CDH18: variants seen among roughly 807,000 people sequenced by gnomAD.
The protein encoded by CDH18 is cadherin 18.
In CDH18, 31 loss-of-function variants were observed where a neutral mutation model predicts 67.9. The ratio of observed to expected loss-of-function variants is 0.46; its 90% CI spans 0.34 to 0.62. The LOEUF is 0.62. Among genes scored for constraint, CDH18 ranks in the 20% least tolerant of loss-of-function variants. The pLI, the probability that CDH18 is intolerant of heterozygous loss-of-function variation, is 0.01. For synonymous variants in CDH18, 362 were observed against 347.2 expected, an observed-to-expected ratio of 1.04 and a Z score of -0.48; for missense variants, 890 against 975.5, an observed-to-expected ratio of 0.91 and a Z score of 1.17.
chr5:19,645,015 T>C (rs1754532148), intron 5 of CDH18, among the ~76,000 whole-genome samples: 1 of 152,214 alleles, frequency 6.6e-6, no homozygotes, highest in Admixed American at 6.5e-5. Flanking sequence ...TTCACCTTTC[T>C]GCTCTGCAAA....
At chr5:20,222,169 A>G (rs183777008) in intron 2 of CDH18, among the ~76,000 whole-genome samples, 114 of 152,306 alleles carry the variant, frequency 7.5e-4, no homozygotes, top group African/African-American at 2.6e-3. Context: ...CCTACTTTCT[A>G]GACCACATAG....
chr5:19,986,073 A>G (rs1039645784), intron 1 of CDH18, among the ~76,000 whole-genome samples: 2 of 152,326 alleles, frequency 1.3e-5, no homozygotes, highest in African/African-American at 4.8e-5. Flanking sequence ...TAATAATGCT[A>G]TTTATATCAG....
At chr5:20,262,279 A>T (rs925809184) in intron 1 of CDH18, among the ~76,000 whole-genome samples, 7 of 152,218 alleles carry the variant, frequency 4.6e-5, no homozygotes, top group African/African-American at 1.7e-4. Flanking sequence ...TTATGTTTGT[A>T]AGTGACAATA....
chr5:19,975,447 T>C (rs186219897), intron 2 of CDH18, among the ~76,000 whole-genome samples: 209 of 152,230 alleles, frequency 1.4e-3, no homozygotes, highest in African/African-American at 4.7e-3. Context: ...TGTAGGAGGA[T>C]TGTGTACTAC....
chr5:20,377,721 T>C (rs1743577730), intron 1 of CDH18, among the ~76,000 whole-genome samples: 1 of 152,204 alleles, frequency 6.6e-6, no homozygotes, highest in African/African-American at 2.4e-5. Context: ...ATAATGTATA[T>C]AATATCACAT....
At chr5:19,569,399 C>A (rs149320661) in intron 8 of CDH18, among the ~76,000 whole-genome samples, 316 of 152,298 alleles carry the variant, frequency 2.1e-3, no homozygotes, top group African/African-American at 7.3e-3. Flanking sequence ...CTCCCTCAGA[C>A]CATTATTACA....
chr5:19,672,873 T>C (rs1758940799), intron 5 of CDH18, among the ~76,000 whole-genome samples: 1 of 152,014 alleles, frequency 6.6e-6, no homozygotes, highest in African/African-American at 2.4e-5. Context: ...GTCAGAAATA[T>C]TTTAAGTGTC....
intron 5 of CDH18, among the ~76,000 whole-genome samples, chr5:19,624,899 A>G (rs1751281940): frequency 6.6e-6 from 1 of 152,178 alleles, no homozygotes; most frequent in African/African-American, 2.4e-5. Flanking sequence ...GTGGCCTTGG[A>G]TTCCTTTATC....
chr5:20,014,776 C>G (rs1580037394), intron 2 of CDH18, among the ~76,000 whole-genome samples: 1 of 152,042 alleles, frequency 6.6e-6, no homozygotes, highest in Non-Finnish European at 1.5e-5. Context: ...AGAAACAGCT[C>G]CAGTGAATGA....
chr5:19,642,655 A>G (rs1455202673), intron 5 of CDH18, among the ~76,000 whole-genome samples: 1 of 152,020 alleles, frequency 6.6e-6, no homozygotes, highest in Non-Finnish European at 1.5e-5. Flanking sequence ...TATTCTCACT[A>G]TTTACAAACG....
chr5:19,766,372 T>C (rs1773096495), intron 3 of CDH18, among the ~76,000 whole-genome samples: 1 of 152,192 alleles, frequency 6.6e-6, no homozygotes, highest in African/African-American at 2.4e-5. Context: ...TCAAAGTGTT[T>C]GTGATTCTTT....
intron 2 of CDH18, among the ~76,000 whole-genome samples, chr5:19,926,198 A>T (rs1011161728): frequency 6.6e-6 from 1 of 152,186 alleles, no homozygotes; most frequent in Non-Finnish European, 1.5e-5. Context: ...TAAAGGGTCA[A>T]CTGTGTATTC....
chr5:20,339,708 G>A (rs6859050), intron 1 of CDH18, among the ~76,000 whole-genome samples: 4 of 152,040 alleles, frequency 2.6e-5, no homozygotes, highest in Non-Finnish European at 5.9e-5. Flanking sequence ...TCCCATTAAG[G>A]TACAGGTCCT....
intron 2 of CDH18, among the ~76,000 whole-genome samples, chr5:19,879,965 A>T (rs1167889999): frequency 6.6e-6 from 1 of 152,082 alleles, no homozygotes; most frequent in Non-Finnish European, 1.5e-5. Context: ...CAGGCAAATT[A>T]TAGAAAACTA....
intron 5 of CDH18, among the ~76,000 whole-genome samples, chr5:19,643,835 AACAC>A (rs1269073216): frequency 6.6e-6 from 1 of 152,210 alleles, no homozygotes; most frequent in African/African-American, 2.4e-5. Flanking sequence ...CAGTGTTATC[AACAC>A]ACACAAACAC....
intron 1 of CDH18, among the ~76,000 whole-genome samples, chr5:20,467,338 T>TAAG (rs35862677): frequency 0.5 from 75,971 of 151,666 alleles, 19,335 homozygotes; most frequent in Non-Finnish European, 0.52. Flanking sequence ...TACTCAAGTT[T>TAAG]AAGATTTCTC....
At chr5:19,729,619 C>T (rs1247774893) in intron 4 of CDH18, among the ~76,000 whole-genome samples, 1 of 152,144 alleles carries the variant, frequency 6.6e-6, no homozygotes, top group African/African-American at 2.4e-5. Context: ...GGCGGTAAGT[C>T]CATTTTGTCA....
At chr5:19,511,340 G>A in intron 10 of CDH18, among the ~76,000 whole-genome samples, 1 of 151,990 alleles carries the variant, frequency 6.6e-6, no homozygotes, top group East Asian at 1.9e-4. Flanking sequence ...ACAGTAAATT[G>A]GTACCACGGA....
chr5:19,877,904 C>A (rs1787205303), intron 2 of CDH18: 1 of 152,104 alleles, frequency 6.6e-6, no homozygotes, highest in African/African-American at 2.4e-5. Context: ...TATCATAATA[C>A]ATGTGAAGCA....
Sources: allele counts gnomAD v4.1 joint callset (sites outside exome capture counted in the v4.1 genomes callset), GRCh38; gene constraint gnomAD v4.1.1; transcripts MANE v1.5; gene names NCBI Gene and HGNC (gene_info 2026-07-23, HGNC 2026-07-21).